Variants in UBE2E2 observed in about 807,000 individuals in gnomAD.
UBE2E2 encodes ubiquitin-conjugating enzyme E2 E2.
A neutral mutation model predicts 24.7 loss-of-function variants in UBE2E2; 6 were observed. That is an observed-to-expected ratio of 0.24 (90% confidence interval 0.13 to 0.48). The LOEUF is 0.48. Among genes scored for constraint, UBE2E2 ranks in the 20% least tolerant of loss-of-function variants. UBE2E2 has a pLI of 0.99. For missense variants in UBE2E2, 169 were observed against 245.0 expected, an observed-to-expected ratio of 0.69 and a Z score of 2.07; for synonymous variants, 104 against 83.6, an observed-to-expected ratio of 1.24 and a Z score of -1.33.
At chr3:23,469,582 A>G (rs1432203619) in intron 3 of UBE2E2, among the ~76,000 whole-genome samples, 1 of 152,222 alleles carries the variant, frequency 6.6e-6, no homozygotes, top group Non-Finnish European at 1.5e-5. Context: ...TGCTTAAATG[A>G]TAAAGTATCT....
At chr3:23,256,866 G>T (rs1337846095) in intron 3 of UBE2E2, among the ~76,000 whole-genome samples, 3 of 152,164 alleles carry the variant, frequency 2.0e-5, no homozygotes, top group African/African-American at 7.2e-5. Flanking sequence ...CCCTGAGGTT[G>T]CCAGAAAGGC....
chr3:23,449,216 G>T (rs1052752198), intron 3 of UBE2E2, among the ~76,000 whole-genome samples: 1 of 152,182 alleles, frequency 6.6e-6, no homozygotes, highest in Non-Finnish European at 1.5e-5. Flanking sequence ...TTTTGTAGAA[G>T]TGAAAACATT....
chr3:23,434,051 A>C (rs963410094), intron 3 of UBE2E2, among the ~76,000 whole-genome samples: 6 of 152,076 alleles, frequency 3.9e-5, no homozygotes, highest in Admixed American at 6.5e-5. Flanking sequence ...GCTAATATGC[A>C]CTGTCTGAAG....
chr3:23,334,670 A>G (rs897362043), intron 3 of UBE2E2, among the ~76,000 whole-genome samples: 1 of 152,228 alleles, frequency 6.6e-6, no homozygotes, highest in South Asian at 2.1e-4. Context: ...AGTAAGCTGT[A>G]CTAGCATATT....
chr3:23,284,587 A>G (rs941004356), intron 3 of UBE2E2, among the ~76,000 whole-genome samples: 1 of 152,072 alleles, frequency 6.6e-6, no homozygotes, highest in East Asian at 1.9e-4. Context: ...AATTAATATC[A>G]TACATGTCTG....
chr3:23,246,062 T>G (rs1697387770), intron 3 of UBE2E2, among the ~76,000 whole-genome samples: 1 of 152,080 alleles, frequency 6.6e-6, no homozygotes, highest in African/African-American at 2.4e-5. Context: ...AATAAATATA[T>G]ATGAGCTAGT....
At chr3:23,482,569 GTCT>G (rs1399928481) in intron 3 of UBE2E2, among the ~76,000 whole-genome samples, 1 of 152,130 alleles carries the variant, frequency 6.6e-6, no homozygotes, top group Non-Finnish European at 1.5e-5. Flanking sequence ...AAACCCATCT[GTCT>G]TCCTAACCTT....
intron 3 of UBE2E2, among the ~76,000 whole-genome samples, chr3:23,498,234 C>T (rs182658634): frequency 6.6e-6 from 1 of 152,252 alleles, no homozygotes; most frequent in East Asian, 1.9e-4. Flanking sequence ...TCTCTTCAGT[C>T]AAACTCTAAT....
At chr3:23,396,255 TG>T (rs1305596194) in intron 3 of UBE2E2, among the ~76,000 whole-genome samples, 3 of 149,210 alleles carry the variant, frequency 2.0e-5, no homozygotes, top group African/African-American at 4.9e-5. Context: ...ATTTGGGATT[TG>T]GGCCAGGATC....
chr3:23,580,304 T>G (rs1696446203), intron 5 of UBE2E2, among the ~76,000 whole-genome samples: 1 of 152,190 alleles, frequency 6.6e-6, no homozygotes, highest in Non-Finnish European at 1.5e-5. Flanking sequence ...TGCGGCAAAC[T>G]GTATTGTTGT....
rs1164986019 is a variant in UBE2E2 at position 23,280,493 on chromosome 3, T to C, written c.227+63181T>C. On this transcript the variant is annotated intron_variant, in intron 3 of 5. Coordinates refer to ENST00000396703, the MANE Select transcript of UBE2E2 (RefSeq NM_152653.4). This position sits in a 1 kb window ranked among gnomAD's most constrained non-coding sequence, Gnocchi z 4.3. Reference sequence around the variant, plus strand: ...GCCACACAATCTTTTTGGTCCTTCTTTGTTCACATTTTGCCTTCTTTTTTC... The same window carrying C: ...GCCACACAATCTTTTTGGTCCTTCTCTGTTCACATTTTGCCTTCTTTTTTC... 2.0e-5 allele frequency among the ~76,000 whole-genome samples: 3 copies of C among 152,184 alleles called. No homozygotes were observed. The highest frequency in any genetic ancestry group is 7.2e-5 in the African/African-American group (3 of 41,440).
At chr3:23,487,159 A>G (rs528198398) in intron 3 of UBE2E2, among the ~76,000 whole-genome samples, 1 of 152,222 alleles carries the variant, frequency 6.6e-6, no homozygotes, top group Admixed American at 6.5e-5. Context: ...GCATGACAGC[A>G]CCACCCCAAG....
chr3:23,473,699 C>G (rs1411674552), intron 3 of UBE2E2, among the ~76,000 whole-genome samples: 2 of 152,078 alleles, frequency 1.3e-5, no homozygotes, highest in Non-Finnish European at 2.9e-5. Context: ...GTTTTCCATT[C>G]CTGAGTTACT....
At chr3:23,307,257 A>T (rs191491076) in intron 3 of UBE2E2, among the ~76,000 whole-genome samples, 107 of 152,216 alleles carry the variant, frequency 7.0e-4, no homozygotes, top group Non-Finnish European at 1.3e-3. Flanking sequence ...TTAATTAATA[A>T]ATTCTTCCTC....
intron 3 of UBE2E2, among the ~76,000 whole-genome samples, chr3:23,323,003 A>T (rs1323909084): frequency 2.0e-5 from 3 of 151,956 alleles, no homozygotes; most frequent in African/African-American, 7.2e-5. Context: ...ACTTGTCAAT[A>T]GTTAGTATTA....
At chr3:23,373,200 G>A (rs954812039) in intron 3 of UBE2E2, among the ~76,000 whole-genome samples, 1 of 152,168 alleles carries the variant, frequency 6.6e-6, no homozygotes, top group Non-Finnish European at 1.5e-5. Context: ...CTTATGAGTG[G>A]TCTTTATCTT....
rs76640824 is a variant in UBE2E2, at chr3:23,270,738, A to G, written c.227+53426A>G. ...ATATTTCTAGCTTCCTGTGTGAGAA[A>G]GTGCTCTGTCAGGTCTGATTTGTGT... On this transcript the variant is annotated intron_variant, in intron 3 of 5. Transcript: ENST00000396703. Among the ~76,000 whole-genome samples, 540 of 152,360 alleles carry G rather than the reference A, an allele frequency of 3.5e-3. 5 individuals carry two copies. Among genetic ancestry groups the G allele is most frequent in the African/African-American group, 0.012 (515 of 41,576 alleles).
chr3:23,534,196 A>G, intron 5 of UBE2E2: 2 of 982,034 alleles, frequency 2.0e-6, no homozygotes, highest in Non-Finnish European at 2.4e-6. Context: ...GTCAGCTGAA[A>G]TGGAATCTGT....
chr3:23,503,532 A>G (rs1427648511), intron 4 of UBE2E2, among the ~76,000 whole-genome samples: 1 of 152,010 alleles, frequency 6.6e-6, no homozygotes, highest in East Asian at 1.9e-4. Flanking sequence ...TTTTAGATTC[A>G]TAGATAATTA....
Sources: gnomAD v4.1 joint callset for allele counts (sites outside exome capture counted in the v4.1 genomes callset) on GRCh38, gnomAD v4.1.1 for gene constraint, Gnocchi (gnomAD v3.1) non-coding constraint, MANE v1.5 for transcripts, NCBI Gene and HGNC (gene_info 2026-07-23, HGNC 2026-07-21) for gene names.